The following IRS4 variants were observed in gnomAD, a reference collection of about 807,000 sequenced individuals.
The protein encoded by IRS4 is insulin receptor substrate 4, also known as 160 kDa phosphotyrosine protein.
A neutral mutation model predicts 48.6 loss-of-function variants in IRS4; 15 were observed. The ratio of observed to expected loss-of-function variants is 0.31; its 90% CI spans 0.21 to 0.48. The LOEUF is 0.48. Among genes scored for constraint, IRS4 ranks in the 20% least tolerant of loss-of-function variants. The probability of loss-of-function intolerance (pLI) is 0.99; values close to 1 mark genes in which losing one functional copy is unlikely to be tolerated. For synonymous variants in IRS4, 459 were observed against 413.2 expected (o/e 1.11, Z -1.34); for missense variants, 987 against 1,023.4 (o/e 0.96, Z 0.49).
At position 108,735,603 on chromosome X, in the gene IRS4, T is replaced by C; in HGVS notation, c.742A>G (p.Lys248Glu). ...AGCCGGAACACGCCGCTCAGCTCTT[T>C]TCTGTGCCCCAGCCCCCTGGGTTTG... ...IVKPRGLGHR[K>E]ELSGVFRLCL... The change falls in exon 1 of 2, where the codon AAA becomes GAA. Residue 248 changes from lysine to glutamate, a missense_variant. By Grantham distance (56) the Lys-to-Glu change is moderately conservative (BLOSUM62 1). This residue lies in a region of IRS4 where 20 missense variants were observed against 53.9 expected (regional missense o/e 0.37). Transcript: ENST00000372129. 1 of 1,209,298 alleles carries C rather than the reference T, an allele frequency of 8.3e-7. No homozygotes were observed. Among genetic ancestry groups the C allele is most frequent in the African/African-American group, 1.7e-5 (1 of 57,175 alleles).
rs569914416 is a variant in IRS4 at position 108,732,022 on chromosome X, T to C, written c.3766+557A>G. ...TCCCCCCAGACATTCACGTTAACAATTGAGATTTAACTTTCTTGGTAAATC... is the reference window on the plus strand; with the variant it reads ...TCCCCCCAGACATTCACGTTAACAACTGAGATTTAACTTTCTTGGTAAATC... On this transcript the variant is annotated intron_variant, in intron 1 of 1. Coordinates refer to ENST00000372129, the MANE Select transcript of IRS4 (RefSeq NM_001379150.1). 2.7e-5 allele frequency among the ~76,000 whole-genome samples: 3 copies of C among 112,567 alleles called. No homozygotes were observed. In the Admixed American group the frequency reaches 2.8e-4, roughly 11 times the overall value.
chrX:108,734,153 C>T lies in IRS4; in HGVS notation c.2192G>A (p.Arg731His), dbSNP rs760806181. The change falls in exon 1 of 2, where the codon CGC (arginine) becomes CAC (histidine). Residue 731 changes from arginine to histidine, a missense_variant. By Grantham distance (29) the Arg-to-His change is conservative. Around this residue, in one of 4 missense-constraint regions of IRS4, gnomAD observed 720 missense variants for 660.3 expected, o/e 1.09. Coordinates refer to ENST00000372129, the MANE Select transcript of IRS4 (RefSeq NM_001379150.1). ...ATCTTCAAAAGGGGATCGAGAGTGG[C>T]GCTTTTTTGAAGCAGAGACATTTTG... ...APQNVSASKK[R>H]HSRSPFEDSR... 19 of 1,208,856 alleles carry T rather than the reference C, an allele frequency of 1.6e-5. No homozygotes were observed. The highest frequency in any genetic ancestry group is 2.1e-5 in the Non-Finnish European group (19 of 894,974).
intron 1 of IRS4, chrX:108,722,963 C>G (rs2068860944): frequency 8.8e-6 from 1 of 113,106 alleles, no homozygotes; most frequent in Non-Finnish European, 1.9e-5. Flanking sequence ...GGTCTCTAGA[C>G]TCAATCATTG....
chrX:108,725,430 C>T (rs1164559342), intron 1 of IRS4, among the ~76,000 whole-genome samples: 1 of 83,644 alleles, frequency 1.2e-5, no homozygotes, highest in Non-Finnish European at 2.1e-5. Context: ...AACTGGAGCT[C>T]ACATAAGCAG....
rs1193691910 is a variant in IRS4 at position 108,735,836 on chromosome X, A to C, written c.509T>G (p.Leu170Arg). The C allele has an allele frequency of 3.3e-6, 4 of 1,209,244 alleles. No individual in the cohort carries two copies. Among genetic ancestry groups the C allele is most frequent in the Non-Finnish European group, 4.5e-6 (4 of 894,439 alleles). ...ADARYRHLIA[L>R]FTQDEYFAMV... ...CGCGAAGTATTCGTCTTGGGTGAAA[A>C]GAGCAATGAGGTGTCGGTACCTTGC... is the stretch of plus-strand genomic sequence containing the variant. The change falls in exon 1 of 2, where the codon CTT (leucine) becomes CGT (arginine). Residue 170 changes from leucine (L) to arginine (R), a missense_variant. Transcript: ENST00000372129.
intron 1 of IRS4, 114 bp downstream of exon 1, chrX:108,732,465 A>T (rs914803493): frequency 8.6e-6 from 10 of 1,158,899 alleles, no homozygotes; most frequent in Non-Finnish European, 1.1e-5. Context: ...TCTATACTCC[A>T]TGTCGAATAG....
chrX:108,732,873 C>A lies in IRS4; in HGVS notation c.3472G>T (p.Ala1158Ser). ...ACAGGTTGAAACCAGCGGGCAGAGG[C>A]GGAGTCAAATCCAGCAGCTGCGGCT... ...AAAAAAGFDS[A>S]SARWFQPVAN... The change falls in exon 1 of 2, where the codon GCC (alanine) becomes TCC (serine). Residue 1158 changes from alanine (A) to serine (S), a missense_variant. Physicochemically the swap from Ala to Ser is moderately conservative, Grantham distance 99. Transcript: ENST00000372129. 1 of 1,168,841 alleles carries A rather than the reference C, an allele frequency of 8.6e-7. No homozygotes were observed.
At position 108,732,708 on chromosome X, in the gene IRS4, GAGCGGCAGCTGC is replaced by G. The variant is rs1163116810; in HGVS notation, c.3625_3636del (p.Ala1209_Ala1212del). 1 of 1,209,719 alleles carries G rather than the reference GAGCGGCAGCTGC, an allele frequency of 8.3e-7. No individual in the cohort carries two copies. The highest frequency in any genetic ancestry group is 3.0e-5 in the East Asian group (1 of 33,752). On this transcript the variant is annotated inframe_deletion, in exon 1 of 2. Transcript: ENST00000372129. ...CGGCGACTGCGAGGTGGTGGTTCCG[GAGCGGCAGCTGC>G]AGCGGCAGCCCCGCCAGCCTGGTTA...
chrX:108,720,768 G>T lies in IRS4; in HGVS notation c.*1751C>A, dbSNP rs2068853042. ...AGAAGAGTCTGAAGGAACTGATAAAGTTGATGCCCTAGCAGTGACCAGTAA... is the reference window on the plus strand; with the variant it reads ...AGAAGAGTCTGAAGGAACTGATAAATTTGATGCCCTAGCAGTGACCAGTAA... On this transcript the variant is annotated 3_prime_UTR_variant, in exon 2 of 2. Transcript: ENST00000372129. The T allele has an allele frequency of 8.9e-6, 1 of 111,879 alleles. No individual in the cohort carries two copies. Among genetic ancestry groups the T allele is most frequent in the Non-Finnish European group, 1.9e-5 (1 of 53,204 alleles). The allele number at this position is 111,879 out of a possible 1,213,427, so 9.2% of individuals were successfully genotyped here. A position where few individuals can be genotyped will look rare whatever the true frequency, so the allele number is the denominator to read the frequency against.
intron 1 of IRS4, among the ~76,000 whole-genome samples, chrX:108,727,284 A>G (rs1181688314): frequency 8.9e-6 from 1 of 112,298 alleles, no homozygotes; most frequent in Non-Finnish European, 1.9e-5. Context: ...CATATCTAAA[A>G]CAGTATATAA....
At chrX:108,730,235 TA>T (rs1273508056) in intron 1 of IRS4, among the ~76,000 whole-genome samples, 1 of 110,854 alleles carries the variant, frequency 9.0e-6, no homozygotes, top group African/African-American at 3.3e-5. Flanking sequence ...CATTCTACCA[TA>T]CAATTTACAT....
At position 108,720,602 on chromosome X, in the gene IRS4, T is replaced by TC. The variant is rs1569510491; in HGVS notation, c.*1916dup. The stretch of plus-strand genomic sequence containing the variant: ...GTATTTTCCCCCAAGTAATCTTTTT[T>TC]CCCACAATTCTGAACAATTATTACT... On this transcript the variant is annotated 3_prime_UTR_variant, in exon 2 of 2. Coordinates refer to ENST00000372129, the MANE Select transcript of IRS4 (RefSeq NM_001379150.1). 8.9e-6 allele frequency: 1 copy of TC among 111,969 alleles called. No individual in the cohort carries two copies. The highest frequency in any genetic ancestry group is 1.9e-5 in the Non-Finnish European group (1 of 53,232). 9.2% of individuals were successfully genotyped at this position (111,969 alleles called of 1,213,427 possible). A position where few individuals can be genotyped will look rare whatever the true frequency, so the allele number is the denominator to read the frequency against.
At position 108,733,240 on chromosome X, in the gene IRS4, G is replaced by A. The variant is rs143866591; in HGVS notation, c.3105C>T (p.Ala1035=). 2.0e-3 allele frequency: 2,451 copies of A among 1,210,095 alleles called. 26 individuals are homozygous for A. The African/African-American group carries it at 0.038, about 19-fold the overall frequency. Reference sequence around the variant, plus strand: ...GACCTGTTTCAGCATCATAGCGAATGGCACTGTCAGCAAGAGCCATGGCTG... The same window carrying A: ...GACCTGTTTCAGCATCATAGCGAATAGCACTGTCAGCAAGAGCCATGGCTG... ...MTPAMALADS[A]IRYDAETGRI... Residue 1035 remains alanine (A), a synonymous_variant, in exon 1 of 2, where the codon GCC becomes GCT. Coordinates refer to ENST00000372129, the MANE Select transcript of IRS4 (RefSeq NM_001379150.1).
rs376037604 is a variant in IRS4, at chrX:108,735,870, G to T, written c.475C>A (p.Arg159=). ...TLYQCFSVSQ[R]ADARYRHLIA... ...AGGTGTCGGTACCTTGCATCTGCTC[G>T]CTGGCTCACGGAAAAGCACTGGTAT... Residue 159 remains arginine (R), a synonymous_variant, in exon 1 of 2, where the codon CGA becomes AGA. Coordinates refer to ENST00000372129, the MANE Select transcript of IRS4 (RefSeq NM_001379150.1). 15 of 1,206,679 alleles carry T rather than the reference G, an allele frequency of 1.2e-5. No homozygotes were observed. Among genetic ancestry groups the T allele is most frequent in the Non-Finnish European group, 1.5e-5 (13 of 893,793 alleles).
intron 1 of IRS4, chrX:108,725,852 T>A (rs2068872373): frequency 1.8e-5 from 2 of 112,339 alleles, no homozygotes; most frequent in Non-Finnish European, 3.8e-5. Context: ...ATGACACTTG[T>A]AAACCCCCAT....
Position 108,734,152 on chromosome X carries a change from G to A in IRS4, c.2193C>T (p.Arg731=). 1 of 1,211,080 alleles carries A rather than the reference G, an allele frequency of 8.3e-7. No homozygotes were observed. The highest frequency in any genetic ancestry group is 1.1e-6 in the Non-Finnish European group (1 of 895,315). Reference sequence around the variant, plus strand: ...AATCTTCAAAAGGGGATCGAGAGTGGCGCTTTTTTGAAGCAGAGACATTTT... The same window carrying A: ...AATCTTCAAAAGGGGATCGAGAGTGACGCTTTTTTGAAGCAGAGACATTTT... ...APQNVSASKK[R]HSRSPFEDSR... is the part of the protein sequence containing the mutation. The change falls in exon 1 of 2, where the codon CGC becomes CGT. Residue 731 remains arginine (R), a synonymous_variant. Transcript: ENST00000372129.
intron 1 of IRS4, among the ~76,000 whole-genome samples, chrX:108,730,122 T>C (rs981926446): frequency 8.9e-6 from 1 of 111,969 alleles, no homozygotes; most frequent in Admixed American, 9.5e-5. Flanking sequence ...GTTTTAATGT[T>C]AGATAGGAAA....
intron 1 of IRS4, among the ~76,000 whole-genome samples, chrX:108,728,444 T>A (rs1019266221): frequency 8.9e-6 from 1 of 112,072 alleles, no homozygotes; most frequent in Non-Finnish European, 1.9e-5. Context: ...AAACACCTGA[T>A]TAAAGGGAGG....
At position 108,732,884 on chromosome X, in the gene IRS4, C is replaced by T; in HGVS notation, c.3461G>A (p.Gly1154Glu). The T allele has an allele frequency of 8.6e-7, 1 of 1,168,353 alleles. No individual in the cohort carries two copies. Among genetic ancestry groups the T allele is most frequent in the East Asian group, 3.0e-5 (1 of 33,384 alleles). Residue 1154 changes from glycine to glutamate, a missense_variant, in exon 1 of 2, where the codon GGA becomes GAA. Physicochemically the swap from Gly to Glu is moderately conservative, Grantham distance 98 (BLOSUM62 -2). Transcript: ENST00000372129. Reference protein sequence around the residue: ...PGIGAAAAAAGFDSASARWFQ... With the variant: ...PGIGAAAAAAEFDSASARWFQ... ...CCAGCGGGCAGAGGCGGAGTCAAAT[C>T]CAGCAGCTGCGGCTGCTGCGCCGAT...
Sources: gnomAD v4.1 joint callset for allele counts (sites outside exome capture counted in the v4.1 genomes callset) on GRCh38, gnomAD v4.1.1 for gene constraint, gnomAD v4.1.1 regional missense constraint, MANE v1.5 for transcripts, NCBI Gene and HGNC (gene_info 2026-07-23, HGNC 2026-07-21) for gene names.